DIAPH2: variants seen among roughly 807,000 people sequenced by gnomAD.
DIAPH2 encodes the protein protein diaphanous homolog 2.
DIAPH2 carries 35 observed loss-of-function variants against 92.7 expected under a neutral mutation model. The ratio of observed to expected loss-of-function variants is 0.38; its 90% CI spans 0.29 to 0.50. The LOEUF is 0.50. Ranked by LOEUF, DIAPH2 falls within the 20% of genes least tolerant of loss-of-function variation. The pLI is 0.94. For missense variants in DIAPH2, 701 were observed against 819.5 expected, an observed-to-expected ratio of 0.86 and a Z score of 1.77; for synonymous variants, 301 against 280.4, an observed-to-expected ratio of 1.07 and a Z score of -0.73.
At chrX:96,687,463 G>A (rs1230457791) in intron 1 of DIAPH2, among the ~76,000 whole-genome samples, 5 of 107,086 alleles carry the variant, frequency 4.7e-5, no homozygotes, top group African/African-American at 1.7e-4. Flanking sequence ...TTTTTGGGAC[G>A]AAGTCTCGCT....
intron 15 of DIAPH2, among the ~76,000 whole-genome samples, chrX:96,956,492 A>G (rs899164739): frequency 4.5e-5 from 5 of 112,184 alleles, no homozygotes; most frequent in Admixed American, 9.4e-5. Flanking sequence ...TCTCCCCAGA[A>G]AACGGATTTT....
intron 4 of DIAPH2, among the ~76,000 whole-genome samples, chrX:96,798,103 C>G (rs2064554340): frequency 8.9e-6 from 1 of 112,163 alleles, no homozygotes; most frequent in Non-Finnish European, 1.9e-5. Flanking sequence ...ATATAGGGAG[C>G]CGACTGTATC....
intron 1 of DIAPH2, among the ~76,000 whole-genome samples, chrX:96,699,546 G>C (rs1026246660): frequency 1.1e-4 from 12 of 111,940 alleles, no homozygotes; most frequent in African/African-American, 2.6e-4. Flanking sequence ...ATTCTCTCCA[G>C]CACAAAGAAT....
chrX:97,252,515 T>C (rs1294529493), intron 23 of DIAPH2, among the ~76,000 whole-genome samples: 1 of 111,796 alleles, frequency 8.9e-6, no homozygotes, highest in Non-Finnish European at 1.9e-5. Context: ...ATGTTAATTG[T>C]ATTCCACCTT....
intron 25 of DIAPH2, among the ~76,000 whole-genome samples, chrX:97,418,111 A>G (rs1237318535): frequency 2.7e-5 from 3 of 111,838 alleles, no homozygotes; most frequent in Admixed American, 9.5e-5. Context: ...TTGTTTCTGG[A>G]ATTTTCCATG....
chrX:97,169,833 A>G (rs1246672412), intron 22 of DIAPH2, among the ~76,000 whole-genome samples: 1 of 111,859 alleles, frequency 8.9e-6, no homozygotes, highest in African/African-American at 3.2e-5. Flanking sequence ...GTGCCACTGC[A>G]TTTCAGCCTG....
At chrX:97,504,705 T>C (rs2070820822) in intron 26 of DIAPH2, among the ~76,000 whole-genome samples, 1 of 112,547 alleles carries the variant, frequency 8.9e-6, no homozygotes, top group South Asian at 3.7e-4. Flanking sequence ...AATTGACTAT[T>C]ACTTGGTCAG....
At chrX:97,487,830 C>T (rs1243311760) in intron 26 of DIAPH2, among the ~76,000 whole-genome samples, 1 of 110,787 alleles carries the variant, frequency 9.0e-6, no homozygotes, top group Non-Finnish European at 1.9e-5. Flanking sequence ...GAGGTGACAT[C>T]TCATTGTAGT....
At chrX:97,025,682 A>AAAC (rs2066329961) in intron 17 of DIAPH2, among the ~76,000 whole-genome samples, 1 of 110,341 alleles carries the variant, frequency 9.1e-6, no homozygotes, top group Non-Finnish European at 1.9e-5. Flanking sequence ...AACAAACAAA[A>AAAC]AAACAAAAAA....
At chrX:97,474,495 T>C (rs2070588525) in intron 26 of DIAPH2, among the ~76,000 whole-genome samples, 1 of 112,253 alleles carries the variant, frequency 8.9e-6, no homozygotes, top group African/African-American at 3.2e-5. Flanking sequence ...CCAGGCATGG[T>C]GGCTTATGCC....
rs977850346 is a variant in DIAPH2 at position 97,174,828 on chromosome X, A to C, written c.2719+33034A>C. Among the ~76,000 whole-genome samples the C allele has an allele frequency of 2.7e-5, 3 of 111,964 alleles. No individual in the cohort carries two copies. In the South Asian group the frequency reaches 1.1e-3, roughly 42 times the overall value. ...AGAACAACCCCTTTAAACATTTATTAGGAAGAAATATCTGAACCAGTCTGA... is the reference window on the plus strand; with the variant it reads ...AGAACAACCCCTTTAAACATTTATTCGGAAGAAATATCTGAACCAGTCTGA... On this transcript the variant is annotated intron_variant, in intron 22 of 26. Coordinates refer to ENST00000324765, the MANE Select transcript of DIAPH2 (RefSeq NM_006729.5).
At chrX:96,754,576 C>T (rs748988977) in intron 3 of DIAPH2, among the ~76,000 whole-genome samples, 2 of 111,000 alleles carry the variant, frequency 1.8e-5, no homozygotes, top group Non-Finnish European at 3.8e-5. Context: ...AAAAATTAAA[C>T]TACCCTAAGA....
At chrX:97,260,320 CATAAGCAACTAT>C (rs2068278551) in intron 23 of DIAPH2, among the ~76,000 whole-genome samples, 2 of 112,651 alleles carry the variant, frequency 1.8e-5, no homozygotes, top group Non-Finnish European at 1.9e-5. Context: ...TCAGCAACTA[CATAAGCAACTAT>C]GGCAGGTGAT....
intron 17 of DIAPH2, among the ~76,000 whole-genome samples, chrX:96,990,944 C>A (rs1602695177): frequency 1.8e-5 from 2 of 110,285 alleles, no homozygotes; most frequent in Admixed American, 1.9e-4. Flanking sequence ...TAATTTTGTT[C>A]ATTAAAAAAA....
chrX:97,130,133 A>G (rs975515044), intron 21 of DIAPH2, among the ~76,000 whole-genome samples: 2 of 112,493 alleles, frequency 1.8e-5, no homozygotes, highest in Non-Finnish European at 3.8e-5. Context: ...ATGTGGAGAA[A>G]TTTGAACCCT....
At chrX:97,096,848 A>G (rs2066872776) in intron 19 of DIAPH2, among the ~76,000 whole-genome samples, 1 of 110,883 alleles carries the variant, frequency 9.0e-6, no homozygotes, top group Non-Finnish European at 1.9e-5. Flanking sequence ...ACTCTTTCCA[A>G]ATTGCAGGTT....
At chrX:97,442,208 G>A (rs2070266612) in intron 26 of DIAPH2, 1 of 113,047 alleles carries the variant, frequency 8.8e-6, no homozygotes, top group East Asian at 2.8e-4. Context: ...TGGAATATGT[G>A]ATAAGTTAGG....
chrX:97,529,182 G>C (rs1008665971), intron 26 of DIAPH2: 11 of 111,555 alleles, frequency 9.9e-5, no homozygotes, highest in Admixed American at 4.8e-4. Flanking sequence ...GTCATGTTTT[G>C]TATTCACATT....
At chrX:97,377,068 G>C (rs1430742641) in intron 24 of DIAPH2, among the ~76,000 whole-genome samples, 3 of 111,896 alleles carry the variant, frequency 2.7e-5, no homozygotes, top group Non-Finnish European at 3.8e-5. Flanking sequence ...GGACTACACA[G>C]GGTCAGGATC....
Sources: allele counts gnomAD v4.1 joint callset (sites outside exome capture counted in the v4.1 genomes callset), GRCh38; gene constraint gnomAD v4.1.1; transcripts MANE v1.5; gene names NCBI Gene and HGNC (gene_info 2026-07-23, HGNC 2026-07-21).